PROS1: variants seen among roughly 807,000 people sequenced by gnomAD.
PROS1 encodes protein S, also known as vitamin K-dependent protein S.
In PROS1, 29 loss-of-function variants were observed where a neutral mutation model predicts 75.9. The observed-to-expected ratio is 0.38, with a 90% CI of 0.28 to 0.52. The LOEUF (loss-of-function observed/expected upper bound fraction) is 0.52, where lower values mean the gene tolerates loss of function less well. Ranked by LOEUF, PROS1 falls within the 20% of genes least tolerant of loss-of-function variation. PROS1 has a pLI of 0.83. For synonymous variants in PROS1, 245 were observed against 280.6 expected, an observed-to-expected ratio of 0.87 and a Z score of 1.27; for missense variants, 680 against 810.3, an observed-to-expected ratio of 0.84 and a Z score of 1.95.
intron 1 of PROS1, among the ~76,000 whole-genome samples, chr3:93,931,663 G>A (rs767489384): frequency 6.6e-6 from 1 of 152,064 alleles, no homozygotes; most frequent in Non-Finnish European, 1.5e-5. Flanking sequence ...GGGCCCAATC[G>A]GACAGCTACT....
At chr3:93,936,953 G>T (rs72927800) in intron 1 of PROS1, among the ~76,000 whole-genome samples, 3 of 152,268 alleles carry the variant, frequency 2.0e-5, no homozygotes, top group Non-Finnish European at 2.9e-5. Flanking sequence ...CATGGTAGGG[G>T]TCATTATTAA....
intron 1 of PROS1, chr3:93,928,716 A>C: frequency 3.9e-6 from 5 of 1,280,638 alleles, no homozygotes; most frequent in Non-Finnish European, 5.2e-6. Context: ...TATAGAATAG[A>C]AAAAATTGCA....
At chr3:93,959,551 A>G (rs1456068628) in intron 1 of PROS1, among the ~76,000 whole-genome samples, 4 of 152,074 alleles carry the variant, frequency 2.6e-5, no homozygotes, top group Admixed American at 2.0e-4. Flanking sequence ...TCACTTATCT[A>G]TCTTCTCTAT....
intron 2 of PROS1, 126 bp downstream of exon 2, chr3:93,927,124 T>C (rs572628806): frequency 1.7e-4 from 210 of 1,222,760 alleles, no homozygotes; most frequent in Admixed American, 1.4e-3. Context: ...GAAGTGGTTA[T>C]GTGTGGAAGG....
intron 10 of PROS1, among the ~76,000 whole-genome samples, chr3:93,890,349 CTT>C (rs1708414714): frequency 6.6e-6 from 1 of 152,180 alleles, no homozygotes; most frequent in African/African-American, 2.4e-5. Context: ...TTGTTGGACT[CTT>C]TATCAGTAGT....
chr3:93,926,517 A>G (rs1464188025), intron 2 of PROS1, among the ~76,000 whole-genome samples: 2 of 152,124 alleles, frequency 1.3e-5, no homozygotes, highest in Non-Finnish European at 2.9e-5. Flanking sequence ...CTCTAATCCC[A>G]CCTACTCAGG....
chr3:93,938,363 G>A (rs113948896), intron 1 of PROS1, among the ~76,000 whole-genome samples: 18 of 152,124 alleles, frequency 1.2e-4, no homozygotes, highest in South Asian at 4.2e-4. Context: ...GACTCAGCCC[G>A]CTGGCACCCA....
chr3:93,938,891 C>A (rs1374273954), intron 1 of PROS1, among the ~76,000 whole-genome samples: 1 of 152,040 alleles, frequency 6.6e-6, no homozygotes, highest in Non-Finnish European at 1.5e-5. Context: ...GGTGGCATGT[C>A]AATGGTGGGA....
chr3:93,942,171 C>T (rs1393021600), intron 1 of PROS1, among the ~76,000 whole-genome samples: 1 of 152,144 alleles, frequency 6.6e-6, no homozygotes, highest in Non-Finnish European at 1.5e-5. Flanking sequence ...GCTATAGTAT[C>T]TTCCACATCT....
intron 12 of PROS1, among the ~76,000 whole-genome samples, chr3:93,881,923 T>A (rs891023982): frequency 1.2e-4 from 18 of 152,152 alleles, no homozygotes; most frequent in Admixed American, 6.6e-5. Context: ...AAAGCAGAGA[T>A]ATCACATTAG....
At chr3:93,927,984 T>C (rs1317467244) in intron 1 of PROS1, among the ~76,000 whole-genome samples, 1 of 27,638 alleles carries the variant, frequency 3.6e-5, no homozygotes, top group Non-Finnish European at 7.6e-5. Context: ...TATATATATG[T>C]GTGTGTGTGT....
intron 3 of PROS1, among the ~76,000 whole-genome samples, chr3:93,918,713 T>C (rs1247706140): frequency 3.3e-5 from 5 of 152,208 alleles, no homozygotes; most frequent in South Asian, 2.1e-4. Context: ...TCCTGGCTAA[T>C]CTTTATATTT....
At chr3:93,897,603 A>G (rs1273798099) in intron 8 of PROS1, among the ~76,000 whole-genome samples, 1 of 152,100 alleles carries the variant, frequency 6.6e-6, no homozygotes, top group Admixed American at 6.5e-5. Context: ...CTTATTACCA[A>G]GTAGGTTGCA....
intron 1 of PROS1, among the ~76,000 whole-genome samples, chr3:93,930,938 TA>T (rs1709096679): frequency 6.6e-6 from 1 of 152,152 alleles, no homozygotes; most frequent in Non-Finnish European, 1.5e-5. Flanking sequence ...AGAGGAATAT[TA>T]AAAAAACAAA....
Position 93,905,828 on chromosome 3 carries a change from C to T in PROS1, c.557G>A (p.Cys186Tyr), listed in dbSNP as rs779391826. ...DNTPGSYHCS[C>Y]KNGFVMLSNK... ...TGAAAGCATAACAAAACCATTTTTA[C>T]AGGAACAGTGGTAACTTCCAGGTGT... Residue 186 changes from cysteine to tyrosine, a missense_variant, in exon 6 of 15, where the codon TGT becomes TAT. Transcript: ENST00000394236. 1.9e-5 allele frequency: 30 copies of T among 1,612,814 alleles called. No individual in the cohort carries two copies. Among genetic ancestry groups the T allele is most frequent in the Non-Finnish European group, 2.4e-5 (28 of 1,179,018 alleles).
intron 3 of PROS1, among the ~76,000 whole-genome samples, chr3:93,917,799 C>T (rs1708880649): frequency 6.6e-6 from 1 of 152,134 alleles, no homozygotes; most frequent in South Asian, 2.1e-4. Flanking sequence ...CTTGATTTCT[C>T]GCCAGGCCTT....
chr3:93,918,226 G>A (rs1708889600), intron 3 of PROS1, among the ~76,000 whole-genome samples: 1 of 152,078 alleles, frequency 6.6e-6, no homozygotes, highest in African/African-American at 2.4e-5. Flanking sequence ...GTGGGGACGT[G>A]GAGAAACTTT....
intron 1 of PROS1, 159 bp downstream of exon 1, chr3:93,973,515 G>T: frequency 1.4e-6 from 1 of 730,616 alleles, no homozygotes; most frequent in Non-Finnish European, 2.4e-6. Context: ...TGCACTGCCT[G>T]CTCTATCCAC....
Position 93,973,791 on chromosome 3 carries a change from G to A in PROS1, c.-42C>T, listed in dbSNP as rs1162324529. On this transcript the variant is annotated 5_prime_UTR_variant, in exon 1 of 15. Coordinates refer to ENST00000394236, the MANE Select transcript of PROS1 (RefSeq NM_000313.4). ...GCGCCGGCAGGGACGGTGGCGCGTCGCGGCGGGGACCGGAGCGCTAGGCGC... is the reference window on the plus strand; with the variant it reads ...GCGCCGGCAGGGACGGTGGCGCGTCACGGCGGGGACCGGAGCGCTAGGCGC... 6.4e-7 allele frequency: 1 copy of A among 1,560,030 alleles called. No homozygotes were observed. Among genetic ancestry groups the A allele is most frequent in the South Asian group, 1.1e-5 (1 of 87,822 alleles).
Sources: gnomAD v4.1 joint callset for allele counts (sites outside exome capture counted in the v4.1 genomes callset) on GRCh38, gnomAD v4.1.1 for gene constraint, MANE v1.5 for transcripts, NCBI Gene and HGNC (gene_info 2026-07-23, HGNC 2026-07-21) for gene names.